Variants in LY86 observed in about 807,000 individuals in gnomAD.
The protein encoded by LY86 is MD-1, RP105-associated.
LY86 carries 20 observed loss-of-function variants against 17.3 expected under a neutral mutation model. The ratio of observed to expected loss-of-function variants is 1.15; its 90% confidence interval spans 0.81 to 1.68. LY86 has a LOEUF of 1.68. LY86 is among the 40% of genes most tolerant of loss of function. The pLI is 0.00. For missense variants in LY86, 200 were observed against 191.9 expected, an observed-to-expected ratio of 1.04 and a Z score of -0.25; for synonymous variants, 74 against 70.6, an observed-to-expected ratio of 1.05 and a Z score of -0.24.
rs1031418814 is a variant in LY86 at position 6,645,258 on chromosome 6, A to G, written c.353-4367A>G. The stretch of plus-strand genomic sequence containing the variant: ...TCATTGCGTATTTCAGCATCCACCA[A>G]GTGAATGTCCATTCTGTTACTGTTT... On this transcript the variant is annotated intron_variant, in intron 3 of 4. Coordinates refer to ENST00000230568, the MANE Select transcript of LY86 (RefSeq NM_004271.4). Among the ~76,000 whole-genome samples, 25 of 152,218 alleles carry G rather than the reference A, an allele frequency of 1.6e-4. 1 individual carries two copies. Among genetic ancestry groups the G allele is most frequent in the Admixed American group, 1.5e-3 (23 of 15,282 alleles).
At chr6:6,622,345 T>C (rs1347757927) in intron 1 of LY86, among the ~76,000 whole-genome samples, 1 of 152,242 alleles carries the variant, frequency 6.6e-6, no homozygotes, top group African/African-American at 2.4e-5. Flanking sequence ...TAGCCTCTTT[T>C]ATTTTGCCTG....
chr6:6,613,570 G>A (rs905739088), intron 1 of LY86, among the ~76,000 whole-genome samples: 6 of 152,316 alleles, frequency 3.9e-5, no homozygotes, highest in African/African-American at 1.4e-4. Flanking sequence ...CACGCCCACC[G>A]GGAACTCGCT....
intron 1 of LY86, among the ~76,000 whole-genome samples, chr6:6,612,254 C>T (rs1174951544): frequency 1.3e-5 from 2 of 152,130 alleles, no homozygotes; most frequent in East Asian, 1.9e-4. Context: ...TTTATTCCTT[C>T]TGATGTTCAG....
At chr6:6,637,711 A>G (rs1245628587) in intron 3 of LY86, among the ~76,000 whole-genome samples, 1 of 152,098 alleles carries the variant, frequency 6.6e-6, no homozygotes, top group Non-Finnish European at 1.5e-5. Context: ...GGAGCCCCCC[A>G]GTGTGAGAAA....
At chr6:6,649,514 C>G in intron 3 of LY86, 111 bp from the exon 4 acceptor site, 6 of 662,252 alleles carry the variant, frequency 9.1e-6, no homozygotes, top group South Asian at 3.7e-5. Flanking sequence ...AATAGCTGCT[C>G]TTATTTTGGT....
At chr6:6,607,985 G>A (rs527423423) in intron 1 of LY86, among the ~76,000 whole-genome samples, 1 of 152,246 alleles carries the variant, frequency 6.6e-6, no homozygotes, top group South Asian at 2.1e-4. Flanking sequence ...ACAAAAAAAT[G>A]ACAAATTGCA....
At chr6:6,649,922 G>C (rs1762161723) in intron 4 of LY86, among the ~76,000 whole-genome samples, 1 of 152,194 alleles carries the variant, frequency 6.6e-6, no homozygotes, top group Admixed American at 6.5e-5. Flanking sequence ...TTACATGTCA[G>C]TGAACCTTAG....
At chr6:6,592,407 A>C (rs1385489589) in intron 1 of LY86, among the ~76,000 whole-genome samples, 1 of 152,126 alleles carries the variant, frequency 6.6e-6, no homozygotes, top group African/African-American at 2.4e-5. Context: ...ACAAACCACA[A>C]ACACCCACCG....
At chr6:6,640,416 A>T (rs965775779) in intron 3 of LY86, among the ~76,000 whole-genome samples, 8 of 151,888 alleles carry the variant, frequency 5.3e-5, no homozygotes, top group Non-Finnish European at 8.8e-5. Context: ...AATAAAAAAA[A>T]AAGGCAGGAG....
intron 1 of LY86, among the ~76,000 whole-genome samples, chr6:6,613,718 GCTC>G (rs1355365187): frequency 6.6e-6 from 1 of 152,256 alleles, no homozygotes; most frequent in Non-Finnish European, 1.5e-5. Flanking sequence ...GGGCTGAAGG[GCTC>G]CTCAAGCGCG....
intron 1 of LY86, among the ~76,000 whole-genome samples, chr6:6,606,183 A>C (rs1288088579): frequency 2.6e-5 from 4 of 152,102 alleles, no homozygotes; most frequent in Admixed American, 2.6e-4. Context: ...ACAATCCCTG[A>C]GCTAGACACA....
chr6:6,624,167 G>A (rs1323936591), intron 1 of LY86, among the ~76,000 whole-genome samples: 3 of 152,174 alleles, frequency 2.0e-5, no homozygotes, highest in Non-Finnish European at 2.9e-5. Context: ...CTGGCCTCAA[G>A]GAATGAAGGA....
chr6:6,625,249 T>C (rs760240776), intron 2 of LY86, among the ~76,000 whole-genome samples: 23 of 152,162 alleles, frequency 1.5e-4, no homozygotes, highest in Non-Finnish European at 3.2e-4. Flanking sequence ...AGGCACTCAT[T>C]TGGATGATAT....
At chr6:6,602,161 C>T (rs765980686) in intron 1 of LY86, among the ~76,000 whole-genome samples, 7 of 152,212 alleles carry the variant, frequency 4.6e-5, no homozygotes, top group Non-Finnish European at 4.4e-5. Context: ...AATGGTGTCA[C>T]CACATGAGTC....
At chr6:6,612,267 G>A (rs962522492) in intron 1 of LY86, among the ~76,000 whole-genome samples, 5 of 152,214 alleles carry the variant, frequency 3.3e-5, no homozygotes, top group African/African-American at 7.2e-5. Flanking sequence ...ATGTTCAGAT[G>A]TGTTCTGAGT....
chr6:6,592,717 G>A (rs1281729515), intron 1 of LY86, among the ~76,000 whole-genome samples: 3 of 152,274 alleles, frequency 2.0e-5, no homozygotes, highest in Middle Eastern at 3.4e-3. Context: ...TTCACCACAT[G>A]AGGACACAAT....
intron 1 of LY86, among the ~76,000 whole-genome samples, chr6:6,604,325 A>T (rs1761023308): frequency 6.6e-6 from 1 of 152,222 alleles, no homozygotes; most frequent in Non-Finnish European, 1.5e-5. Flanking sequence ...AGTATATAAA[A>T]TGTATAGCTT....
intron 1 of LY86, chr6:6,620,838 A>G (rs1444197825): frequency 6.6e-6 from 1 of 152,286 alleles, no homozygotes; most frequent in African/African-American, 2.4e-5. Flanking sequence ...TGAATGTCCA[A>G]GAAAACTTTT....
chr6:6,650,339 G>GTTTT (rs138255515), intron 4 of LY86, among the ~76,000 whole-genome samples: 1 of 148,024 alleles, frequency 6.8e-6, no homozygotes, highest in Non-Finnish European at 1.5e-5. Flanking sequence ...CTCAGATAAT[G>GTTTT]GTTTTTTTTT....
Sources: allele counts gnomAD v4.1 joint callset (sites outside exome capture counted in the v4.1 genomes callset), GRCh38; gene constraint gnomAD v4.1.1; transcripts MANE v1.5; gene names NCBI Gene and HGNC (gene_info 2026-07-23, HGNC 2026-07-21).